The following SV2C variants were observed in gnomAD, a reference collection of about 807,000 sequenced individuals.
SV2C encodes the protein solute carrier family 22 member B3.
Under a neutral mutation model 79.7 loss-of-function variants are expected in SV2C, and 49 were observed. The ratio of observed to expected loss-of-function variants is 0.61; its 90% CI spans 0.49 to 0.78. The LOEUF (loss-of-function observed/expected upper bound fraction) is 0.78, where lower values mean the gene tolerates loss of function less well. SV2C is among the 30% of genes least tolerant of loss of function. The probability of loss-of-function intolerance (pLI) is 0.00; values close to 1 mark genes in which losing one functional copy is unlikely to be tolerated. For synonymous variants in SV2C, 334 were observed against 333.2 expected, an observed-to-expected ratio of 1.00 and a Z score of -0.03; for missense variants, 833 against 912.9, an observed-to-expected ratio of 0.91 and a Z score of 1.13.
chr5:76,237,665 A>C (rs1292637800), intron 4 of SV2C, among the ~76,000 whole-genome samples: 2 of 152,144 alleles, frequency 1.3e-5, no homozygotes, highest in African/African-American at 4.8e-5. Context: ...CAGTGTCTTT[A>C]TCATACCACA....
intron 4 of SV2C, among the ~76,000 whole-genome samples, chr5:76,271,874 G>A (rs1746880805): frequency 6.6e-6 from 1 of 152,096 alleles, no homozygotes; most frequent in Admixed American, 6.5e-5. Flanking sequence ...TTCATCCACT[G>A]TACTTGGAGG....
chr5:76,141,823 C>CAAAAAAAAAAAAAA (rs11313342), intron 2 of SV2C, among the ~76,000 whole-genome samples: 1 of 72,470 alleles, frequency 1.4e-5, no homozygotes. Context: ...AAGTCCATCT[C>CAAAAAAAAAAAAAA]AAAAAAAAAA....
chr5:76,183,684 C>A (rs919794628), intron 2 of SV2C, among the ~76,000 whole-genome samples: 1 of 152,146 alleles, frequency 6.6e-6, no homozygotes, highest in Non-Finnish European at 1.5e-5. Context: ...CACTCTCCCC[C>A]AACCCATGAA....
At chr5:76,312,936 T>A (rs1748503801) in intron 12 of SV2C, among the ~76,000 whole-genome samples, 1 of 152,222 alleles carries the variant, frequency 6.6e-6, no homozygotes, top group South Asian at 2.1e-4. Flanking sequence ...CCCAAGCCCT[T>A]CCCTTAGGAC....
intron 12 of SV2C, among the ~76,000 whole-genome samples, chr5:76,340,653 C>A (rs1749424522): frequency 6.6e-6 from 1 of 152,130 alleles, no homozygotes; most frequent in Non-Finnish European, 1.5e-5. Flanking sequence ...ATGCCCAGCT[C>A]CACCCAACAC....
chr5:76,121,896 A>G (rs1249518795), intron 1 of SV2C, among the ~76,000 whole-genome samples: 2 of 152,000 alleles, frequency 1.3e-5, no homozygotes, highest in Non-Finnish European at 1.5e-5. Flanking sequence ...TTTTTTTCCA[A>G]TTCTGTGAAG....
intron 2 of SV2C, among the ~76,000 whole-genome samples, chr5:76,142,509 G>T (rs1478984156): frequency 6.6e-6 from 1 of 152,162 alleles, no homozygotes; most frequent in East Asian, 1.9e-4. Context: ...ACAGTGTGTT[G>T]TGGGCATCAG....
At chr5:76,335,674 C>G (rs1749303577), downstream of SV2C, among the ~76,000 whole-genome samples, 1 of 152,114 alleles carries the variant, frequency 6.6e-6, no homozygotes, top group African/African-American at 2.4e-5. Flanking sequence ...ACATCTTGCA[C>G]CACCCTTAAT....
intron 1 of SV2C, among the ~76,000 whole-genome samples, chr5:76,094,640 G>A (rs547638351): frequency 9.9e-5 from 15 of 152,204 alleles, no homozygotes; most frequent in Middle Eastern, 6.8e-3. Flanking sequence ...CCTTGTGCAT[G>A]TTTTGCTATG....
chr5:76,109,620 A>T (rs982346934), intron 1 of SV2C, among the ~76,000 whole-genome samples: 4 of 152,168 alleles, frequency 2.6e-5, no homozygotes, highest in Non-Finnish European at 2.9e-5. Context: ...CACTAATATG[A>T]CTGGTGTCCT....
chr5:76,179,851 G>A (rs1290876165), intron 2 of SV2C, among the ~76,000 whole-genome samples: 1 of 152,136 alleles, frequency 6.6e-6, no homozygotes, highest in Non-Finnish European at 1.5e-5. Flanking sequence ...ATCAGTAATG[G>A]CCTGCTGGAT....
At chr5:76,067,339 T>C in the SV2C span, among the ~76,000 whole-genome samples, 4 of 152,172 alleles carry the variant, frequency 2.6e-5, no homozygotes, top group African/African-American at 7.2e-5. Flanking sequence ...TTTCCAGTTA[T>C]TTTTTCTGAC....
the SV2C span, among the ~76,000 whole-genome samples, chr5:76,040,415 A>G: frequency 1.3e-5 from 2 of 152,212 alleles, no homozygotes; most frequent in African/African-American, 4.8e-5. Context: ...TTTTTCTTCA[A>G]AGGATATCGA....
At chr5:76,241,213 G>T in intron 4 of SV2C, among the ~76,000 whole-genome samples, 4 of 137,822 alleles carry the variant, frequency 2.9e-5, no homozygotes, top group South Asian at 2.3e-4. Context: ...AAGCCAAACT[G>T]TATCCAGCTT....
intron 3 of SV2C, among the ~76,000 whole-genome samples, chr5:76,205,250 T>C (rs1283218271): frequency 1.3e-5 from 2 of 152,138 alleles, no homozygotes; most frequent in Non-Finnish European, 2.9e-5. Flanking sequence ...ATACAGAATG[T>C]TTTAGTTTCT....
At chr5:75,952,290 T>C in the SV2C span, among the ~76,000 whole-genome samples, 22,200 of 80,380 alleles carry the variant, frequency 0.28, 2,233 homozygotes, top group Non-Finnish European at 0.37. Context: ...TTCCTTCCTT[T>C]CTTCCTTCCT....
chr5:75,910,567 G>C, the SV2C span: 2 of 685,996 alleles, frequency 2.9e-6, no homozygotes, highest in Admixed American at 1.9e-5. Context: ...ACTTCACCCA[G>C]TTCAGTGAGA....
chr5:76,173,511 C>A (rs938793352), intron 2 of SV2C: 1 of 998,096 alleles, frequency 1.0e-6, no homozygotes, highest in African/African-American at 1.6e-5. Context: ...TTAAAGGGTA[C>A]CACCACAGGA....
the SV2C span, among the ~76,000 whole-genome samples, chr5:75,950,468 A>T: frequency 2.0e-5 from 3 of 152,046 alleles, no homozygotes; most frequent in African/African-American, 7.2e-5. Context: ...TTTAACAAAC[A>T]TATGAAAACT....
Sources: allele counts gnomAD v4.1 joint callset (sites outside exome capture counted in the v4.1 genomes callset), GRCh38; gene constraint gnomAD v4.1.1; transcripts MANE v1.5; gene names NCBI Gene and HGNC (gene_info 2026-07-23, HGNC 2026-07-21).